TTN: variants seen among roughly 807,000 people sequenced by gnomAD.
TTN encodes the protein titin.
In TTN, 1,525 loss-of-function variants were observed where a neutral mutation model predicts 3,223.0. The ratio of observed to expected loss-of-function variants is 0.47; its 90% CI spans 0.45 to 0.49. The LOEUF is 0.49. Among genes scored for constraint, TTN ranks in the 20% least tolerant of loss-of-function variants. TTN has a pLI of 0.00. For synonymous variants in TTN, 14,094 were observed against 15,161.0 expected, an observed-to-expected ratio of 0.93 and a Z score of 5.17; for missense variants, 40,786 against 43,424.0, an observed-to-expected ratio of 0.94 and a Z score of 5.40.
At chr2:178,578,207 A>C (rs2046881197) in intron 321 of TTN, 22 bp from the exon 322 acceptor site, 3 of 1,598,492 alleles carry the variant, frequency 1.9e-6, no homozygotes, top group Non-Finnish European at 2.6e-6. Flanking sequence ...CCAGGGATGT[A>C]TCAAGTATAA....
rs1698209764 is a variant in TTN, at chr2:178,548,761, A to G, written c.92865T>C (p.Pro30955=). Residue 30955 remains proline (P), a synonymous_variant, in exon 339 of 363, where the codon CCT becomes CCC. Transcript: ENST00000589042. This position sits in a 1 kb window ranked among gnomAD's most constrained non-coding sequence, Gnocchi z 4.3. ...LFIAYQGRPT[P]TAVWSKPDSN... is the part of the protein sequence containing the mutation. ...AGTCTGGTTTGCTCCACACAGCTGT[A>G]GGAGTAGGTCTACCTTGGTAGGCAA... is the stretch of plus-strand genomic sequence containing the variant. The G allele has an allele frequency of 6.2e-7, 1 of 1,613,556 alleles. No homozygotes were observed. The highest frequency in any genetic ancestry group is 1.6e-4 in the Middle Eastern group (1 of 6,062).
At position 178,546,764 on chromosome 2, in the gene TTN, C is replaced by A. The variant is rs727503545; in HGVS notation, c.94664G>T (p.Arg31555Leu). ...RKPVSEVGDG[R>L]WLKCNYTIVS... ...AATGGTGTAGTTGCACTTCAGCCAG[C>A]GACCATCTCCTACCTCACTGACTGG... The change falls in exon 341 of 363, where the codon CGC becomes CTC. Residue 31555 changes from arginine to leucine, a missense_variant. Physicochemically the swap from Arg to Leu is moderately radical, Grantham distance 102. Transcript: ENST00000589042. 2 of 1,613,726 alleles carry A rather than the reference C, an allele frequency of 1.2e-6. No individual in the cohort carries two copies. Among genetic ancestry groups the A allele is most frequent in the Non-Finnish European group, 1.7e-6 (2 of 1,179,744 alleles).
intron 47 of TTN, chr2:178,751,225 A>T: frequency 6.2e-7 from 1 of 1,610,000 alleles, no homozygotes. Context: ...AGCTTATTTC[A>T]GAAGACGTAT....
At position 178,533,379 on chromosome 2, in the gene TTN, G is replaced by A. The variant is rs745465328; in HGVS notation, c.103236C>T (p.Ile34412=). 9 of 1,613,444 alleles carry A rather than the reference G, an allele frequency of 5.6e-6. No homozygotes were observed. In the African/African-American group the frequency reaches 9.3e-5, roughly 17 times the overall value. The change falls in exon 358 of 363, where the codon ATC becomes ATT. Residue 34412 remains isoleucine, a synonymous_variant. Transcript: ENST00000589042. ...PLSLGPNIEI[I]HEGLDYYALH... ...GAGCATAATAATCCAAGCCTTCATG[G>A]ATAATTTCAATGTTAGGCCCGAGGG...
At position 178,702,242 on chromosome 2, in the gene TTN, A is replaced by T. The variant is rs372185371; in HGVS notation, c.30437T>A (p.Val10146Asp). Residue 10146 changes from valine (V) to aspartate (D), a missense_variant, in exon 108 of 363, where the codon GTC (valine) becomes GAC (aspartate). Physicochemically the swap from Val to Asp is radical, Grantham distance 152 (BLOSUM62 -3). Transcript: ENST00000589042. ...CTCCAGCCGAGCGATGACCGAGTAG[A>T]CACCTAGGGTGAAAAATCATCCAAC... ...IHNVTPDDEG[V>D]YSVIARLEPR... 16 of 1,613,838 alleles carry T rather than the reference A, an allele frequency of 9.9e-6. No homozygotes were observed. The African/African-American group carries it at 1.9e-4, about 19-fold the overall frequency.
At position 178,785,032 on chromosome 2, in the gene TTN, A is replaced by T. The variant is rs541995411; in HGVS notation, c.2493+588T>A. On this transcript the variant is annotated intron_variant, in intron 15 of 362. Coordinates refer to ENST00000589042, the MANE Select transcript of TTN (RefSeq NM_001267550.2). Reference sequence around the variant, plus strand: ...TACATGCTGACAACTGCAGGTTTTTATGTCCTTTTTACTTGCATTTTACAT... The same window carrying T: ...TACATGCTGACAACTGCAGGTTTTTTTGTCCTTTTTACTTGCATTTTACAT... Among the ~76,000 whole-genome samples, 13 of 152,244 alleles carry T rather than the reference A, an allele frequency of 8.5e-5. No individual in the cohort carries two copies. The East Asian group carries it at 2.1e-3, about 25-fold the overall frequency.
rs141624454 is a variant in TTN at position 178,624,265 on chromosome 2, C to G, written c.44815+200G>C. 7.0e-4 allele frequency among the ~76,000 whole-genome samples: 107 copies of G among 152,048 alleles called. 5 individuals are homozygous for G. In the East Asian group the frequency reaches 0.02, roughly 29 times the overall value. On this transcript the variant is annotated intron_variant, in intron 242 of 362. Transcript: ENST00000589042. Reference sequence around the variant, plus strand: ...GAAAAGTGATTGCTCCATCATTAATCAGACCAGACATAGAATAAGACTTTT... The same window carrying G: ...GAAAAGTGATTGCTCCATCATTAATGAGACCAGACATAGAATAAGACTTTT...
chr2:178,758,977 A>T lies in TTN; in HGVS notation c.10303+7T>A, dbSNP rs2154336799. 4 of 1,613,846 alleles carry T rather than the reference A, an allele frequency of 2.5e-6. No homozygotes were observed. Among genetic ancestry groups the T allele is most frequent in the Non-Finnish European group, 1.7e-6 (2 of 1,179,814 alleles). On this transcript the variant is annotated splice_region_variant and intron_variant, in intron 44 of 362. Coordinates refer to ENST00000589042, the MANE Select transcript of TTN (RefSeq NM_001267550.2). ...TAAATGGGGTTCTGAAAGTTGTTTT[A>T]CTTTACCTTCCAGACTCAGGTTGGC...
At chr2:178,653,002 G>C in intron 199 of TTN, 39 bp downstream of exon 199, 1 of 1,606,866 alleles carries the variant, frequency 6.2e-7, no homozygotes, top group Admixed American at 1.7e-5. Context: ...AAGAAATGAA[G>C]AGTTCAGTCT....
intron 358 of TTN, 29 bp downstream of exon 358, chr2:178,530,212 A>C: frequency 1.3e-6 from 2 of 1,562,788 alleles, no homozygotes; most frequent in East Asian, 2.2e-5. Flanking sequence ...TTAGAAGATA[A>C]AAGAAAGAGA....
intron 46 of TTN, among the ~76,000 whole-genome samples, chr2:178,754,574 C>T (rs1038122715): frequency 1.3e-5 from 2 of 152,108 alleles, no homozygotes; most frequent in Admixed American, 1.3e-4. Flanking sequence ...ACATTTCTCC[C>T]ACCTTCACAA....
rs1403110773 is a variant in TTN at position 178,613,874 on chromosome 2, G to C, written c.49409C>G (p.Thr16470Arg). ...ACCATCATCATCTGGCTCACACCAT[G>C]TGAGAGTCACTGCGTCTTTAGTGAT... is the stretch of plus-strand genomic sequence containing the variant. Reference protein sequence around the residue: ...SDITKDAVTLTWCEPDDDGGS... With the variant: ...SDITKDAVTLRWCEPDDDGGS... Residue 16470 changes from threonine to arginine, a missense_variant, in exon 263 of 363, where the codon ACA becomes AGA. Transcript: ENST00000589042. 1 of 1,611,574 alleles carries C rather than the reference G, an allele frequency of 6.2e-7. No individual in the cohort carries two copies. Among genetic ancestry groups the C allele is most frequent in the Admixed American group, 1.7e-5 (1 of 59,756 alleles).
In TTN at chr2:178,599,710, G is replaced by C; in HGVS notation, c.56191C>G (p.Pro18731Ala). 1 of 1,613,000 alleles carries C rather than the reference G, an allele frequency of 6.2e-7. No individual in the cohort carries two copies. The highest frequency in any genetic ancestry group is 8.5e-7 in the Non-Finnish European group (1 of 1,179,334). Residue 18731 changes from proline (P) to alanine (A), a missense_variant, in exon 289 of 363, where the codon CCT (proline) becomes GCT (alanine). Physicochemically the swap from Pro to Ala is conservative, Grantham distance 27 (BLOSUM62 -1). Coordinates refer to ENST00000589042, the MANE Select transcript of TTN (RefSeq NM_001267550.2). ...TTGACATGGGTGTCATAGAGAACAG[G>C]TTCTTTGTTATCAGGCTTCTTTGGA... ...APPKKPDNKE[P>A]VLYDTHVNKL...
At position 178,636,118 on chromosome 2, in the gene TTN, A is replaced by T. The variant is rs929168416; in HGVS notation, c.41453T>A (p.Ile13818Asn). 1 of 1,613,100 alleles carries T rather than the reference A, an allele frequency of 6.2e-7. No homozygotes were observed. The highest frequency in any genetic ancestry group is 1.1e-5 in the South Asian group (1 of 91,038). The change falls in exon 226 of 363, where the codon ATT (isoleucine) becomes AAT (asparagine). Residue 13818 changes from isoleucine (I) to asparagine (N), a missense_variant. Ile to Asn is a moderately radical substitution (Grantham distance 149, BLOSUM62 -3). Coordinates refer to ENST00000589042, the MANE Select transcript of TTN (RefSeq NM_001267550.2). The surrounding 1 kb of genome is among the most constrained non-coding windows in gnomAD (Gnocchi z 4.3). ...AATTCGGCCAGGTTTCTCCACCACAATCTTGCCATCCTTCCTCCAGACCAC... is the reference window on the plus strand; with the variant it reads ...AATTCGGCCAGGTTTCTCCACCACATTCTTGCCATCCTTCCTCCAGACCAC... ...RDVVWRKDGK[I>N]VVEKPGRIVP...
intron 217 of TTN, 56 bp downstream of exon 217, chr2:178,645,864 T>A (rs1576865668): frequency 8.9e-7 from 1 of 1,121,122 alleles, no homozygotes; most frequent in Non-Finnish European, 1.3e-6. Flanking sequence ...TCATTTCAGA[T>A]GGCTGGATAG....
chr2:178,536,933 C>T lies in TTN; in HGVS notation c.100171+5G>A. 1 of 1,589,170 alleles carries T rather than the reference C, an allele frequency of 6.3e-7. No individual in the cohort carries two copies. Among genetic ancestry groups the T allele is most frequent in the Non-Finnish European group, 8.6e-7 (1 of 1,163,964 alleles). On this transcript the variant is annotated splice_donor_5th_base_variant and intron_variant, in intron 356 of 362. Transcript: ENST00000589042. ...AGGAAGATACAGAAATCAAGTTGTA[C>T]TCACCAAATGGACTCTTAATGATCA... is the stretch of plus-strand genomic sequence containing the variant.
At chr2:178,764,080 T>G in intron 43 of TTN, 97 bp downstream of exon 43, 157 of 1,525,500 alleles carry the variant, frequency 1.0e-4, no homozygotes, top group East Asian at 2.3e-4. Flanking sequence ...AAATTATGCA[T>G]GAGAGATGTT....
At position 178,741,108 on chromosome 2, in the gene TTN, G is replaced by T; in HGVS notation, c.12125C>A (p.Ala4042Glu). The T allele has an allele frequency of 6.2e-7, 1 of 1,613,774 alleles. No homozygotes were observed. Among genetic ancestry groups the T allele is most frequent in the South Asian group, 1.1e-5 (1 of 91,080 alleles). Reference sequence around the variant, plus strand: ...CTCAGGAGCCTCTGGTGTGGACTTTGCTTTGCAGGGGGTATCAGTCATGTC... The same window carrying T: ...CTCAGGAGCCTCTGGTGTGGACTTTTCTTTGCAGGGGGTATCAGTCATGTC... ...DTDMTDTPCK[A>E]KSTPEAPEDF... is the part of the protein sequence containing the mutation. Residue 4042 changes from alanine to glutamate, a missense_variant, in exon 48 of 363, where the codon GCA becomes GAA. Physicochemically the swap from Ala to Glu is moderately radical, Grantham distance 107. Coordinates refer to ENST00000589042, the MANE Select transcript of TTN (RefSeq NM_001267550.2).
Position 178,768,682 on chromosome 2 carries a change from A to G in TTN, c.9154T>C (p.Tyr3052His), listed in dbSNP as rs763833161. Residue 3052 changes from tyrosine (Y) to histidine (H), a missense_variant, in exon 38 of 363, where the codon TAT becomes CAT. Physicochemically the swap from Tyr to His is moderately conservative, Grantham distance 83 (BLOSUM62 2). Transcript: ENST00000589042. Reference protein sequence around the residue: ...AGKATSTATLYVEARHIEFRK... With the variant: ...AGKATSTATLHVEARHIEFRK... ...ATGTATGAAACCATACCTTCCACAT[A>G]AAGTGTGGCTGTTGATGTTGCTTTT... 1.5e-5 allele frequency: 24 copies of G among 1,614,122 alleles called. No homozygotes were observed. The Admixed American group carries it at 1.5e-4, about 10-fold the overall frequency.
Sources: allele counts gnomAD v4.1 joint callset (sites outside exome capture counted in the v4.1 genomes callset), GRCh38; gene constraint gnomAD v4.1.1; non-coding constraint Gnocchi (gnomAD v3.1); transcripts MANE v1.5; gene names NCBI Gene and HGNC (gene_info 2026-07-23, HGNC 2026-07-21).